The following C3orf20 variants were observed in gnomAD, a reference collection of about 807,000 sequenced individuals.
The protein encoded by C3orf20 is uncharacterized protein C3orf20.
In C3orf20, 76 loss-of-function variants were observed where a neutral mutation model predicts 88.3. That is an observed-to-expected ratio of 0.86 (90% CI 0.72 to 1.04). C3orf20 has a LOEUF of 1.04. Among genes scored for constraint, C3orf20 ranks in the 50% least tolerant of loss-of-function variants. The probability of loss-of-function intolerance (pLI) is 0.00; values close to 1 mark genes in which losing one functional copy is unlikely to be tolerated. For synonymous variants in C3orf20, 436 were observed against 437.4 expected (o/e 1.00, Z 0.04); for missense variants, 1,056 against 1,123.3 (o/e 0.94, Z 0.86).
At chr3:14,734,859 T>C (rs1351464591) in intron 12 of C3orf20, among the ~76,000 whole-genome samples, 1 of 152,074 alleles carries the variant, frequency 6.6e-6, no homozygotes, top group Non-Finnish European at 1.5e-5. Context: ...TTTTGCTGTA[T>C]GTATTTTGAA....
chr3:14,762,814 G>T (rs962654739), intron 15 of C3orf20, among the ~76,000 whole-genome samples: 1 of 147,350 alleles, frequency 6.8e-6, no homozygotes, highest in Non-Finnish European at 1.5e-5. Context: ...TTTTCTAGGA[G>T]TCTTATGCCC....
Position 14,772,117 on chromosome 3 carries a change from C to T in C3orf20, c.2546C>T (p.Ala849Val). ...SLEDSESVKK[A>V]ESEDIQGSSS... ...GAGGATTCTGAATCAGTCAAGAAAG[C>T]CGAGTCAGAAGATATCCAAGGAAGC... is the stretch of plus-strand genomic sequence containing the variant. The change falls in exon 16 of 17, where the codon GCC becomes GTC. Residue 849 changes from alanine to valine, a missense_variant. Physicochemically the swap from Ala to Val is moderately conservative, Grantham distance 64. Transcript: ENST00000253697. The surrounding 1 kb of genome is among the most constrained non-coding windows in gnomAD (Gnocchi z 4.2). 6.2e-7 allele frequency: 1 copy of T among 1,614,212 alleles called. No individual in the cohort carries two copies. Among genetic ancestry groups the T allele is most frequent in the Non-Finnish European group, 8.5e-7 (1 of 1,180,018 alleles).
At chr3:14,682,442 T>C (rs1239857797) in intron 2 of C3orf20, 111 bp downstream of exon 2, 6 of 449,464 alleles carry the variant, frequency 1.3e-5, no homozygotes, top group African/African-American at 5.9e-5. Flanking sequence ...ACCATACTTA[T>C]CATCAGACCT....
intron 4 of C3orf20, among the ~76,000 whole-genome samples, chr3:14,687,961 G>A (rs148658742): frequency 1.3e-5 from 2 of 152,148 alleles, no homozygotes; most frequent in African/African-American, 4.8e-5. Context: ...TCCCTGTCTT[G>A]TTGGCACTTG....
intron 5 of C3orf20, among the ~76,000 whole-genome samples, chr3:14,692,985 T>C (rs2032807566): frequency 6.6e-6 from 1 of 152,194 alleles, no homozygotes; most frequent in Admixed American, 6.5e-5. Flanking sequence ...GATTGTTCTT[T>C]CCCCATTGTA....
chr3:14,767,890 G>A (rs748747503), intron 15 of C3orf20, among the ~76,000 whole-genome samples: 11 of 152,218 alleles, frequency 7.2e-5, no homozygotes, highest in Admixed American at 2.0e-4. Context: ...ACCCTTCAAA[G>A]CAGTTTGTAA....
At chr3:14,721,179 T>C (rs1465535096) in intron 9 of C3orf20, among the ~76,000 whole-genome samples, 5 of 152,218 alleles carry the variant, frequency 3.3e-5, no homozygotes, top group African/African-American at 1.2e-4. Context: ...CTCTTTGACC[T>C]CTTCCCACCC....
chr3:14,705,911 C>G (rs1300035136), intron 7 of C3orf20, among the ~76,000 whole-genome samples: 1 of 152,140 alleles, frequency 6.6e-6, no homozygotes, highest in African/African-American at 2.4e-5. Flanking sequence ...GCCTCCTTAC[C>G]TCAATTTAGG....
In C3orf20 at chr3:14,707,820, C is replaced by CTTTTTTTTT. The variant is rs60474912; in HGVS notation, c.1160+3210_1160+3218dup. ...ATAACATTTACCCCTGTGTTTTCCTCTTTTTTTTTTTTTTTTGAGACAGAG... is the reference window on the plus strand; with the variant it reads ...ATAACATTTACCCCTGTGTTTTCCTCTTTTTTTTTTTTTTTTTTTTTTTTTGAGACAGAG... On this transcript the variant is annotated intron_variant, in intron 7 of 16. Transcript: ENST00000253697. 8.2e-5 allele frequency among the ~76,000 whole-genome samples: 10 copies of CTTTTTTTTT among 122,112 alleles called. 2 individuals carry two copies. Among genetic ancestry groups the CTTTTTTTTT allele is most frequent in the South Asian group, 2.5e-4 (1 of 3,990 alleles). 80.1% of individuals were successfully genotyped at this position (122,112 alleles called of 152,430 possible).
intron 12 of C3orf20, among the ~76,000 whole-genome samples, chr3:14,749,467 A>C (rs2035157450): frequency 6.6e-6 from 1 of 152,212 alleles, no homozygotes; most frequent in South Asian, 2.1e-4. Context: ...ATGCTACTGC[A>C]TGCAGCTTTA....
intron 5 of C3orf20, among the ~76,000 whole-genome samples, chr3:14,694,613 G>GT (rs1203184337): frequency 6.6e-6 from 1 of 151,918 alleles, no homozygotes; most frequent in Admixed American, 6.6e-5. Flanking sequence ...GGTCAAATTT[G>GT]TTTTTAACTT....
chr3:14,706,197 CAAA>C (rs111673645), intron 7 of C3orf20, among the ~76,000 whole-genome samples: 44 of 152,208 alleles, frequency 2.9e-4, no homozygotes, highest in African/African-American at 1.0e-3. Context: ...AGCACTCTGT[CAAA>C]GAAGTGTTAT....
At chr3:14,754,638 G>A (rs996158944) in intron 12 of C3orf20, among the ~76,000 whole-genome samples, 1 of 152,142 alleles carries the variant, frequency 6.6e-6, no homozygotes, top group Non-Finnish European at 1.5e-5. Flanking sequence ...TCTAGTCAAC[G>A]GATGTGGTTT....
chr3:14,682,901 C>T lies in C3orf20; in HGVS notation c.188C>T (p.Pro63Leu), dbSNP rs764690622. 38 of 1,614,044 alleles carry T rather than the reference C, an allele frequency of 2.4e-5. No individual in the cohort carries two copies. Among genetic ancestry groups the T allele is most frequent in the South Asian group, 2.1e-4 (19 of 91,086 alleles). Residue 63 changes from proline (P) to leucine (L), a missense_variant, in exon 3 of 17, where the codon CCG (proline) becomes CTG (leucine). By Grantham distance (98) the Pro-to-Leu change is moderately conservative. Coordinates refer to ENST00000253697, the MANE Select transcript of C3orf20 (RefSeq NM_032137.5). ...ELISDPSVPT[P>L]SDILGLEVSF... is the part of the protein sequence containing the mutation. ...ATCAGTGACCCTTCAGTGCCTACCCCGTCCGACATCTTGGGCCTGGAGGTC... is the reference window on the plus strand; with the variant it reads ...ATCAGTGACCCTTCAGTGCCTACCCTGTCCGACATCTTGGGCCTGGAGGTC...
chr3:14,746,163 T>A (rs534089747), intron 12 of C3orf20, among the ~76,000 whole-genome samples: 18 of 152,342 alleles, frequency 1.2e-4, no homozygotes, highest in Non-Finnish European at 7.3e-5. Context: ...ATTGGAGGCA[T>A]ACACACAAAC....
chr3:14,713,920 C>T, intron 7 of C3orf20, 87 bp from the exon 8 acceptor site: 2 of 1,458,926 alleles, frequency 1.4e-6, no homozygotes, highest in South Asian at 1.2e-5. Context: ...ATAGCTAACA[C>T]TTTGACATGT....
intron 14 of C3orf20, among the ~76,000 whole-genome samples, chr3:14,760,606 CTTTTTTTTTTTT>C (rs33982218): frequency 1.0e-5 from 1 of 97,806 alleles, no homozygotes; most frequent in Non-Finnish European, 1.9e-5. Flanking sequence ...AGTCTGTCTT[CTTTTTTTTTTTT>C]TTTTTTTTTG....
intron 9 of C3orf20, among the ~76,000 whole-genome samples, chr3:14,717,624 G>A (rs910390182): frequency 1.3e-5 from 2 of 152,082 alleles, no homozygotes; most frequent in Non-Finnish European, 2.9e-5. Flanking sequence ...AGGCTGCAGG[G>A]GCCAATTTGT....
rs78721483 is a variant in C3orf20 at position 14,677,369 on chromosome 3, C to A, written c.-299+2117C>A. On this transcript the variant is annotated intron_variant, in intron 1 of 16. Transcript: ENST00000253697. The stretch of plus-strand genomic sequence containing the variant: ...CCGGGTACCCTTGATTTTCCTGAAG[C>A]TCATTCAGAACGTCTTCCCTTTTCC... Among the ~76,000 whole-genome samples the A allele has an allele frequency of 6.4e-3, 969 of 152,286 alleles. 4 individuals are homozygous for A. Among genetic ancestry groups the A allele is most frequent in the African/African-American group, 0.022 (915 of 41,552 alleles).
Sources: gnomAD v4.1 joint callset for allele counts (sites outside exome capture counted in the v4.1 genomes callset) on GRCh38, gnomAD v4.1.1 for gene constraint, Gnocchi (gnomAD v3.1) non-coding constraint, MANE v1.5 for transcripts, NCBI Gene and HGNC (gene_info 2026-07-23, HGNC 2026-07-21) for gene names.